NSD2: variants seen among roughly 807,000 people sequenced by gnomAD.
NSD2 encodes nuclear receptor binding SET domain protein 2.
NSD2 carries 12 observed loss-of-function variants against 139.0 expected under a neutral mutation model. The ratio of observed to expected loss-of-function variants is 0.09; its 90% CI spans 0.06 to 0.14. The LOEUF (loss-of-function observed/expected upper bound fraction) is 0.14, where lower values mean the gene tolerates loss of function less well. Ranked by LOEUF, NSD2 falls within the 10% of genes least tolerant of loss-of-function variation. NSD2 has a pLI of 1.00. For missense variants in NSD2, 1,155 were observed against 1,745.0 expected (o/e 0.66, Z 6.02); for synonymous variants, 669 against 648.7 (o/e 1.03, Z -0.48).
intron 3 of NSD2, among the ~76,000 whole-genome samples, chr4:1,914,750 G>A (rs1719134579): frequency 6.6e-6 from 1 of 152,202 alleles, no homozygotes; most frequent in Non-Finnish European, 1.5e-5. Context: ...AGCATCCAGA[G>A]TTTTTGGCCA....
At chr4:1,889,297 G>A (rs1180201799) in intron 1 of NSD2, among the ~76,000 whole-genome samples, 4 of 152,022 alleles carry the variant, frequency 2.6e-5, no homozygotes, top group South Asian at 2.1e-4. Flanking sequence ...GGGCTCAAGC[G>A]ATCCTCCCAC....
Position 1,948,460 on chromosome 4 carries a change from C to T in NSD2, c.1882-2612C>T. 1 of 1,065,870 alleles carries T rather than the reference C, an allele frequency of 9.4e-7. No individual in the cohort carries two copies. Among genetic ancestry groups the T allele is most frequent in the Non-Finnish European group, 1.1e-6 (1 of 878,718 alleles). The allele number at this position is 1,065,870 out of a possible 1,614,324, so 66.0% of individuals were successfully genotyped here. The stretch of plus-strand genomic sequence containing the variant: ...CTGGAGTAAGGCTTGCTGTGGGACG[C>T]CCTCGTACTTTGCTCTCCTTGCGGG... On this transcript the variant is annotated intron_variant, in intron 9 of 21. Transcript: ENST00000508803. This position sits in a 1 kb window ranked among gnomAD's most constrained non-coding sequence, Gnocchi z 4.5.
At chr4:1,944,214 G>C in intron 9 of NSD2, 1 of 1,066,128 alleles carries the variant, frequency 9.4e-7, no homozygotes, top group Non-Finnish European at 1.1e-6. Context: ...CCAGGAGTGG[G>C]CTCATCCTAG....
chr4:1,895,509 A>G (rs899612962), intron 1 of NSD2, among the ~76,000 whole-genome samples: 3 of 152,126 alleles, frequency 2.0e-5, no homozygotes, highest in Non-Finnish European at 4.4e-5. Flanking sequence ...GGTCTGCTAT[A>G]TTCAACTCAA....
At chr4:1,937,175 C>T (rs1331709379) in intron 7 of NSD2, among the ~76,000 whole-genome samples, 1 of 152,092 alleles carries the variant, frequency 6.6e-6, no homozygotes, top group Non-Finnish European at 1.5e-5. Flanking sequence ...CCTCAGACTC[C>T]CGAGTAGCTG....
At chr4:1,871,717 G>C (rs1384067710) in intron 1 of NSD2, among the ~76,000 whole-genome samples, 175 bp downstream of exon 1, 1 of 148,594 alleles carries the variant, frequency 6.7e-6, no homozygotes, top group Non-Finnish European at 1.5e-5. Context: ...CTCAGGGGCT[G>C]GGGGACCGGG....
At chr4:1,930,512 A>C (rs760089102) in intron 5 of NSD2, 114 bp from the exon 6 acceptor site, 126 of 1,135,552 alleles carry the variant, frequency 1.1e-4, no homozygotes, top group Non-Finnish European at 1.4e-4. Flanking sequence ...CGATGTGGGA[A>C]TAAAAATGCG....
rs757233317 is a variant in NSD2, at chr4:1,973,639, G to A, written c.3373-1224G>A. 6.6e-6 allele frequency among the ~76,000 whole-genome samples: 1 copy of A among 152,252 alleles called. No individual in the cohort carries two copies. Among genetic ancestry groups the A allele is most frequent in the Non-Finnish European group, 1.5e-5 (1 of 68,044 alleles). ...CTGTGTGGGTATGTAGAAAGGACAC[G>A]GGGCCAGCGGTCCCAGACAGGGGCA... On this transcript the variant is annotated intron_variant, in intron 18 of 21. Transcript: ENST00000508803. This position sits in a 1 kb window ranked among gnomAD's most constrained non-coding sequence, Gnocchi z 5.5.
In NSD2 at chr4:1,918,423, A is replaced by G; in HGVS notation, c.1210A>G (p.Lys404Glu). ...TCCCATGAAGAGAAGGCGGAGGGCC[A>G]AACTGTGTAGCTCTGCAGAGACCCT... ...CIPMKRRRRA[K>E]LCSSAETLES... The change falls in exon 5 of 22, where the codon AAA becomes GAA. Residue 404 changes from lysine to glutamate, a missense_variant. Around this residue, in one of 8 missense-constraint regions of NSD2, gnomAD observed 420 missense variants for 469.0 expected, o/e 0.90. Transcript: ENST00000508803. 6.2e-7 allele frequency: 1 copy of G among 1,614,144 alleles called. No individual in the cohort carries two copies. Among genetic ancestry groups the G allele is most frequent in the Non-Finnish European group, 8.5e-7 (1 of 1,180,040 alleles).
chr4:1,907,683 G>A (rs911660567), intron 3 of NSD2, among the ~76,000 whole-genome samples: 2 of 138,846 alleles, frequency 1.4e-5, no homozygotes, highest in East Asian at 2.2e-4. Context: ...GCAGTGGCAC[G>A]ATTTTGGCAA....
intron 9 of NSD2, chr4:1,944,345 A>G (rs1723403975): frequency 1.7e-5 from 18 of 1,066,076 alleles, no homozygotes; most frequent in African/African-American, 3.3e-5. Context: ...GAAATTCATT[A>G]TGCTGCTAAT....
chr4:1,946,247 T>C, intron 9 of NSD2: 1 of 989,650 alleles, frequency 1.0e-6, no homozygotes, highest in Non-Finnish European at 1.2e-6. Context: ...TGGGGGGTCT[T>C]GCATTTATTT....
chr4:1,951,441 AATACACACACACACACAC>A (rs1231226977), intron 10 of NSD2, among the ~76,000 whole-genome samples: 2 of 86,978 alleles, frequency 2.3e-5, no homozygotes, highest in East Asian at 7.8e-4. Context: ...CACATCATGT[AATACACACACACACACAC>A]ACACACACAC....
chr4:1,948,482 C>A lies in NSD2; in HGVS notation c.1882-2590C>A. The A allele has an allele frequency of 1.9e-6, 2 of 1,064,714 alleles. No homozygotes were observed. Among genetic ancestry groups the A allele is most frequent in the Non-Finnish European group, 2.3e-6 (2 of 878,088 alleles). The allele number at this position is 1,064,714 out of a possible 1,614,324, so 66.0% of individuals were successfully genotyped here. A position where few individuals can be genotyped will look rare whatever the true frequency, so the allele number is the denominator to read the frequency against. On this transcript the variant is annotated intron_variant, in intron 9 of 21. Transcript: ENST00000508803. This position sits in a 1 kb window ranked among gnomAD's most constrained non-coding sequence, Gnocchi z 4.5. ...ACGCCCTCGTACTTTGCTCTCCTTG[C>A]GGGTGGTTGCCGAGCCGAGAGCATT...
chr4:1,903,051 G>T (rs1413697907), intron 2 of NSD2, among the ~76,000 whole-genome samples: 1 of 152,094 alleles, frequency 6.6e-6, no homozygotes, highest in Non-Finnish European at 1.5e-5. Context: ...ACTGCCTGTG[G>T]TCCCAGCTAC....
intron 3 of NSD2, among the ~76,000 whole-genome samples, chr4:1,908,028 A>C (rs1223299054): frequency 6.6e-6 from 1 of 152,204 alleles, no homozygotes; most frequent in Non-Finnish European, 1.5e-5. Context: ...ACATCACATC[A>C]GTAACAAGAT....
At chr4:1,911,389 A>C (rs1030209389) in intron 3 of NSD2, among the ~76,000 whole-genome samples, 4 of 152,000 alleles carry the variant, frequency 2.6e-5, no homozygotes, top group African/African-American at 9.7e-5. Context: ...GGAGTTCGAG[A>C]CCAGCCTGGC....
rs1725328367 is a variant in NSD2, at chr4:1,961,178, C to T, written c.3372+27C>T. ...TAATGCGGAACTCCACTGTGAGCTTCTGCAGTGTGCTGGACCTGGAGCCCT... is the reference window on the plus strand; with the variant it reads ...TAATGCGGAACTCCACTGTGAGCTTTTGCAGTGTGCTGGACCTGGAGCCCT... On this transcript the variant is annotated intron_variant, in intron 18 of 21. Coordinates refer to ENST00000508803, the MANE Select transcript of NSD2 (RefSeq NM_001042424.3). 3 of 1,567,342 alleles carry T rather than the reference C, an allele frequency of 1.9e-6. No homozygotes were observed. In the East Asian group the frequency reaches 6.8e-5, roughly 35 times the overall value.
chr4:1,871,704 C>T (rs1244872346), intron 1 of NSD2, among the ~76,000 whole-genome samples, 162 bp downstream of exon 1: 1 of 147,812 alleles, frequency 6.8e-6, no homozygotes, highest in African/African-American at 2.5e-5. Context: ...CCTGAGGGGC[C>T]GGCTCAGGGG....
Sources: allele counts gnomAD v4.1 joint callset (sites outside exome capture counted in the v4.1 genomes callset), GRCh38; gene constraint gnomAD v4.1.1; regional missense constraint gnomAD v4.1.1; non-coding constraint Gnocchi (gnomAD v3.1); transcripts MANE v1.5; gene names NCBI Gene and HGNC (gene_info 2026-07-23, HGNC 2026-07-21).